SCFD2: variants seen among roughly 807,000 people sequenced by gnomAD.
SCFD2 encodes sec1 family domain-containing protein 2.
Under a neutral mutation model 58.9 loss-of-function variants are expected in SCFD2, and 54 were observed. The ratio of observed to expected loss-of-function variants is 0.92; its 90% CI spans 0.74 to 1.15. The LOEUF (loss-of-function observed/expected upper bound fraction) is 1.15. Ranked by LOEUF, SCFD2 falls within the 50% of genes most tolerant of loss-of-function variation. The probability of loss-of-function intolerance (pLI) is 0.00; values close to 1 mark genes in which losing one functional copy is unlikely to be tolerated. For missense variants in SCFD2, 805 were observed against 836.6 expected (o/e 0.96, Z 0.47); for synonymous variants, 321 against 335.9 (o/e 0.96, Z 0.49).
intron 1 of SCFD2, among the ~76,000 whole-genome samples, chr4:53,363,005 T>C (rs1327273803): frequency 1.3e-5 from 2 of 152,200 alleles, no homozygotes; most frequent in African/African-American, 2.4e-5. Context: ...CTCAGTGATA[T>C]TAGAAGCGAG....
At chr4:53,174,496 A>G (rs1299908551) in intron 4 of SCFD2, among the ~76,000 whole-genome samples, 1 of 152,216 alleles carries the variant, frequency 6.6e-6, no homozygotes, top group Non-Finnish European at 1.5e-5. Flanking sequence ...AGATGTATCA[A>G]TAGCAACAAC....
At position 53,306,648 on chromosome 4, in the gene SCFD2, T is replaced by C. The variant is rs890549558; in HGVS notation, c.1135+6988A>G. ...CACTGTGTACCAAGCCAATGGCCAATGAAGGACATGACATGTACACTATCT... is the reference window on the plus strand; with the variant it reads ...CACTGTGTACCAAGCCAATGGCCAACGAAGGACATGACATGTACACTATCT... On this transcript the variant is annotated intron_variant, in intron 3 of 8. Transcript: ENST00000401642. Among the ~76,000 whole-genome samples the C allele has an allele frequency of 4.3e-4, 66 of 152,258 alleles. 1 individual carries two copies. Among genetic ancestry groups the C allele is most frequent in the Admixed American group, 2.3e-3 (35 of 15,292 alleles).
chr4:53,108,755 C>A (rs150099749), intron 5 of SCFD2, among the ~76,000 whole-genome samples: 2 of 152,104 alleles, frequency 1.3e-5, no homozygotes, highest in African/African-American at 2.4e-5. Context: ...AGCCCAGGAC[C>A]AGACAGAGTC....
intron 5 of SCFD2, among the ~76,000 whole-genome samples, chr4:53,072,554 C>T (rs1016009366): frequency 6.6e-6 from 1 of 151,802 alleles, no homozygotes; most frequent in Non-Finnish European, 1.5e-5. Flanking sequence ...AGGCAAAGAA[C>T]CCAGAGAATA....
At chr4:53,067,389 G>C (rs1354351269) in intron 5 of SCFD2, among the ~76,000 whole-genome samples, 2 of 151,980 alleles carry the variant, frequency 1.3e-5, no homozygotes, top group Non-Finnish European at 2.9e-5. Context: ...CACACCAAAA[G>C]AGTGGCTGTG....
At chr4:52,954,750 G>C (rs1408340776) in intron 5 of SCFD2, among the ~76,000 whole-genome samples, 1 of 152,162 alleles carries the variant, frequency 6.6e-6, no homozygotes, top group Non-Finnish European at 1.5e-5. Flanking sequence ...ATCTAATCAT[G>C]TCCTTTAGCA....
intron 5 of SCFD2, among the ~76,000 whole-genome samples, chr4:53,048,610 G>C (rs898665714): frequency 6.6e-6 from 1 of 152,182 alleles, no homozygotes; most frequent in Non-Finnish European, 1.5e-5. Context: ...GGGTGGTGGT[G>C]CATATCTGTG....
rs1226230042 is a variant in SCFD2 at position 53,001,693 on chromosome 4, C to T, written c.1562-80823G>A. Among the ~76,000 whole-genome samples, 6 of 152,288 alleles carry T rather than the reference C, an allele frequency of 3.9e-5. No homozygotes were observed. The South Asian group carries it at 8.3e-4, about 21-fold the overall frequency. ...TTAAAACTTGAACACTCAAAATTGA[C>T]GTTAAATTCCTATGTATATGTTTGG... On this transcript the variant is annotated intron_variant, in intron 5 of 8. Transcript: ENST00000401642.
In SCFD2 at chr4:53,329,758, G is replaced by A. The variant is rs1185067924; in HGVS notation, c.1008-15995C>T. On this transcript the variant is annotated intron_variant, in intron 2 of 8. Coordinates refer to ENST00000401642, the MANE Select transcript of SCFD2 (RefSeq NM_152540.4). ...AAGCTGGATGGAGAATGACTTTGAC[G>A]AGCTGAGAGAAGAAGGCTTCAGACG... 7.3e-5 allele frequency among the ~76,000 whole-genome samples: 11 copies of A among 151,514 alleles called. No individual in the cohort carries two copies. In the East Asian group the frequency reaches 9.7e-4, roughly 13 times the overall value.
chr4:53,332,152 G>A (rs901563150), intron 2 of SCFD2, among the ~76,000 whole-genome samples: 8 of 150,526 alleles, frequency 5.3e-5, no homozygotes, highest in East Asian at 1.9e-4. Flanking sequence ...ATTCACAGCC[G>A]AATTCTATCA....
chr4:53,358,554 G>C (rs1384505519), intron 1 of SCFD2, among the ~76,000 whole-genome samples: 5 of 142,614 alleles, frequency 3.5e-5, no homozygotes, highest in Non-Finnish European at 6.0e-5. Context: ...CGCTGTCTCA[G>C]GGAAAAAAAA....
chr4:53,298,142 C>T (rs1445109307), intron 3 of SCFD2, among the ~76,000 whole-genome samples: 8 of 152,122 alleles, frequency 5.3e-5, no homozygotes, highest in African/African-American at 1.7e-4. Context: ...CGAAGCAGGG[C>T]GAGGCATCAC....
chr4:53,310,807 T>C (rs1577957271), intron 3 of SCFD2, among the ~76,000 whole-genome samples: 1 of 152,318 alleles, frequency 6.6e-6, no homozygotes, highest in South Asian at 2.1e-4. Context: ...CTGAGAAATT[T>C]TATATTTAAG....
At chr4:53,257,154 T>G (rs1016408308) in intron 4 of SCFD2, among the ~76,000 whole-genome samples, 15 of 151,700 alleles carry the variant, frequency 9.9e-5, no homozygotes, top group Admixed American at 7.2e-4. Flanking sequence ...TTAATACAGA[T>G]AGAGAGGCCA....
At chr4:53,016,933 C>A (rs1056053723) in intron 5 of SCFD2, among the ~76,000 whole-genome samples, 4 of 152,096 alleles carry the variant, frequency 2.6e-5, no homozygotes, top group African/African-American at 7.2e-5. Context: ...ACAGTGAAAC[C>A]CCGTTTCTAC....
intron 5 of SCFD2, among the ~76,000 whole-genome samples, chr4:53,036,180 G>T (rs1046362997): frequency 2.0e-5 from 3 of 151,822 alleles, no homozygotes; most frequent in Non-Finnish European, 4.4e-5. Context: ...ATTTACATTA[G>T]GTATTTCTCC....
chr4:53,038,621 C>T (rs765202622), intron 5 of SCFD2, among the ~76,000 whole-genome samples: 4 of 151,202 alleles, frequency 2.6e-5, no homozygotes, highest in Admixed American at 6.6e-5. Context: ...AAGTATAAAA[C>T]GATAGGGAGA....
chr4:53,165,769 C>T (rs189065556), intron 4 of SCFD2, among the ~76,000 whole-genome samples: 1 of 152,064 alleles, frequency 6.6e-6, no homozygotes, highest in Non-Finnish European at 1.5e-5. Context: ...CTGCTGTAGC[C>T]CCAGTGTCTA....
chr4:53,135,522 T>G (rs1725909982), intron 5 of SCFD2, among the ~76,000 whole-genome samples: 1 of 151,992 alleles, frequency 6.6e-6, no homozygotes. Context: ...GATCACAAGG[T>G]CAAGAGATCA....
Sources: allele counts gnomAD v4.1 joint callset (sites outside exome capture counted in the v4.1 genomes callset), GRCh38; gene constraint gnomAD v4.1.1; transcripts MANE v1.5; gene names NCBI Gene and HGNC (gene_info 2026-07-23, HGNC 2026-07-21).